Variants in SOX13 observed in about 807,000 individuals in gnomAD.
The protein encoded by SOX13 is SRY-box transcription factor 13, also known as transcription factor SOX-13.
In SOX13, 28 loss-of-function variants were observed where a neutral mutation model predicts 71.8. The observed-to-expected ratio is 0.39, with a 90% CI of 0.29 to 0.53. SOX13 has a LOEUF of 0.53. SOX13 is among the 20% of genes least tolerant of loss of function. The pLI is 0.70. For missense variants in SOX13, 627 were observed against 810.3 expected, an observed-to-expected ratio of 0.77 and a Z score of 2.75; for synonymous variants, 309 against 317.8, an observed-to-expected ratio of 0.97 and a Z score of 0.29.
At chr1:204,113,663 A>G (rs958192262) in intron 2 of SOX13, among the ~76,000 whole-genome samples, 1 of 152,188 alleles carries the variant, frequency 6.6e-6, no homozygotes, top group African/African-American at 2.4e-5. Context: ...TAAAATCCAA[A>G]TAAGTGAAAA....
At chr1:204,116,145 TGTCCC>T in intron 4 of SOX13, 20 of 1,224,716 alleles carry the variant, frequency 1.6e-5, no homozygotes, top group Admixed American at 1.3e-4. Flanking sequence ...AGCCTGAGTG[TGTCCC>T]ACTGGATCCC....
intron 9 of SOX13, 67 bp downstream of exon 9, chr1:204,122,466 C>A: frequency 7.5e-7 from 1 of 1,331,762 alleles, no homozygotes; most frequent in Non-Finnish European, 1.0e-6. Flanking sequence ...CATGATGCGA[C>A]CTTGAGCAGG....
intron 9 of SOX13, 141 bp downstream of exon 9, chr1:204,122,540 G>A: frequency 1.5e-6 from 1 of 679,944 alleles, no homozygotes; most frequent in East Asian, 2.7e-5. Context: ...CTTAGCAGAA[G>A]ATCCCCTTCT....
intron 4 of SOX13, 188 bp from the exon 5 acceptor site, chr1:204,116,319 C>T: frequency 6.5e-7 from 1 of 1,540,878 alleles, no homozygotes. Context: ...CTAGTAGTTG[C>T]CAGGTAGCAA....
At chr1:204,105,675 G>A (rs374910559) in intron 1 of SOX13, among the ~76,000 whole-genome samples, 2 of 152,112 alleles carry the variant, frequency 1.3e-5, no homozygotes, top group Non-Finnish European at 2.9e-5. Context: ...CAAAGTGCTG[G>A]GATTACAGAT....
intron 1 of SOX13, among the ~76,000 whole-genome samples, chr1:204,103,261 C>A (rs1656396141): frequency 6.6e-6 from 1 of 152,230 alleles, no homozygotes; most frequent in African/African-American, 2.4e-5. Context: ...GGCTATGACT[C>A]AAGTCAGAAA....
intron 1 of SOX13, among the ~76,000 whole-genome samples, chr1:204,095,903 A>G (rs181977450): frequency 6.6e-6 from 1 of 152,304 alleles, no homozygotes; most frequent in African/African-American, 2.4e-5. Flanking sequence ...AGTACCTCAC[A>G]TAAGTAGACA....
At chr1:204,121,857 C>G (rs762508205) in intron 7 of SOX13, 43 bp from the exon 8 acceptor site, 5 of 1,349,116 alleles carry the variant, frequency 3.7e-6, no homozygotes, top group Non-Finnish European at 5.3e-6. Context: ...GTCTGCTGTT[C>G]TGTGCTCATC....
chr1:204,126,146 TG>T lies in SOX13; in HGVS notation c.*15del. 1 of 1,611,456 alleles carries T rather than the reference TG, an allele frequency of 6.2e-7. No homozygotes were observed. Among genetic ancestry groups the T allele is most frequent in the Non-Finnish European group, 8.5e-7 (1 of 1,178,100 alleles). On this transcript the variant is annotated 3_prime_UTR_variant, in exon 14 of 14. Coordinates refer to ENST00000367204, the MANE Select transcript of SOX13 (RefSeq NM_005686.3). Reference sequence around the variant, plus strand: ...TGCTCACAGACTGATCCCGGCTGGGTGGGCCTGGCCCCTTCTCCTCTGGGGA... The same window carrying T: ...TGCTCACAGACTGATCCCGGCTGGGTGGCCTGGCCCCTTCTCCTCTGGGGA...
rs149562684 is a variant in SOX13, at chr1:204,105,413, C to CTCTTTTTTTTTTTTTT, written c.-1-7501_-1-7500insCTTTTTTTTTTTTTTT. ...GAAGGCCTCTGACTCTGTATAATCTCTTTTTTTTTTGAGACAGAGTCTCCC... is the reference window on the plus strand; with the variant it reads ...GAAGGCCTCTGACTCTGTATAATCTCTCTTTTTTTTTTTTTTTTTTTTTTTTGAGACAGAGTCTCCC... On this transcript the variant is annotated intron_variant, in intron 1 of 13. Transcript: ENST00000367204. Among the ~76,000 whole-genome samples the CTCTTTTTTTTTTTTTT allele has an allele frequency of 8.8e-4, 121 of 137,972 alleles. 1 individual carries two copies. Among genetic ancestry groups the CTCTTTTTTTTTTTTTT allele is most frequent in the African/African-American group, 3.6e-3 (116 of 32,482 alleles). The allele number at this position is 137,972 out of a possible 152,430, so 90.5% of individuals were successfully genotyped here.
At position 204,126,055 on chromosome 1, in the gene SOX13, A is replaced by C; in HGVS notation, c.1790A>C (p.Glu597Ala). ...GACAGGCACTCGGTGGCTGATGGCG[A>C]GATGTACCGGTACAGCGAGGACGAG... ...TDDRHSVADG[E>A]MYRYSEDEDS... The change falls in exon 14 of 14, where the codon GAG becomes GCG. Residue 597 changes from glutamate (E) to alanine (A), a missense_variant. Glu to Ala is a moderately radical substitution (Grantham distance 107, BLOSUM62 -1). Around this residue, in one of 3 missense-constraint regions of SOX13, gnomAD observed 148 missense variants for 192.7 expected, o/e 0.77. Transcript: ENST00000367204. The C allele has an allele frequency of 6.2e-7, 1 of 1,613,968 alleles. No homozygotes were observed. Among genetic ancestry groups the C allele is most frequent in the Non-Finnish European group, 8.5e-7 (1 of 1,179,882 alleles).
chr1:204,090,007 G>A (rs543251653), intron 1 of SOX13, among the ~76,000 whole-genome samples: 1 of 152,358 alleles, frequency 6.6e-6, no homozygotes, highest in Non-Finnish European at 1.5e-5. Flanking sequence ...CCAGGATGGT[G>A]GTGGCTGAAG....
At chr1:204,088,298 G>C (rs73069908) in intron 1 of SOX13, among the ~76,000 whole-genome samples, 3,209 of 152,192 alleles carry the variant, frequency 0.021, 101 homozygotes, top group African/African-American at 0.074. Flanking sequence ...AGGGGATGCT[G>C]GTCGATTCGG....
chr1:204,125,071 C>T (rs945134025), intron 13 of SOX13, among the ~76,000 whole-genome samples: 1 of 152,088 alleles, frequency 6.6e-6, no homozygotes, highest in African/African-American at 2.4e-5. Flanking sequence ...CACTCAGTGG[C>T]TGAGGATGTA....
Position 204,122,260 on chromosome 1 carries a change from C to A in SOX13, c.885C>A (p.Leu295=). The part of the protein sequence containing the change: ...PLQEPSQPLN[L]TAKPKAPELP... ...AGGAGCCCTCCCAGCCCCTGAACCT[C>A]ACAGCCAAGCCCAAGGCCCCCGAGC... The change falls in exon 9 of 14, where the codon CTC becomes CTA. Residue 295 remains leucine (L), a synonymous_variant. Coordinates refer to ENST00000367204, the MANE Select transcript of SOX13 (RefSeq NM_005686.3). The A allele has an allele frequency of 6.3e-7, 1 of 1,590,722 alleles. No homozygotes were observed. Among genetic ancestry groups the A allele is most frequent in the Non-Finnish European group, 8.6e-7 (1 of 1,169,004 alleles).
rs752125027 is a variant in SOX13, at chr1:204,122,953, C to A, written c.1124C>A (p.Pro375His). Residue 375 changes from proline to histidine, a missense_variant, in exon 10 of 14, where the codon CCC becomes CAC. Pro to His is a moderately conservative substitution (Grantham distance 77). Coordinates refer to ENST00000367204, the MANE Select transcript of SOX13 (RefSeq NM_005686.3). ...GCCTTGGATGGCTCCCCCAACACCC[C>A]CTTCCGTAAGGTATGGTCCCCCACT... ...SGALDGSPNT[P>H]FRKDLISLDS... 1.8e-5 allele frequency: 29 copies of A among 1,586,832 alleles called. No individual in the cohort carries two copies. The Middle Eastern group carries it at 6.6e-4, about 36-fold the overall frequency.
Position 204,125,118 on chromosome 1 carries a change from G to A in SOX13, c.1592+261G>A, listed in dbSNP as rs1047598702. Among the ~76,000 whole-genome samples the A allele has an allele frequency of 2.0e-5, 3 of 152,272 alleles. No homozygotes were observed. The South Asian group carries it at 6.2e-4, about 32-fold the overall frequency. ...GGAGGACTGGCCACGTGGACCTGGA[G>A]AAAGTGCCTGTAGATCCCACGGCCG... On this transcript the variant is annotated intron_variant, in intron 13 of 13. Coordinates refer to ENST00000367204, the MANE Select transcript of SOX13 (RefSeq NM_005686.3).
intron 1 of SOX13, among the ~76,000 whole-genome samples, chr1:204,099,402 G>A (rs1177708613): frequency 6.7e-6 from 1 of 148,942 alleles, no homozygotes; most frequent in African/African-American, 2.5e-5. Context: ...AATCATGTTG[G>A]TGTCTCAGTG....
At chr1:204,108,705 G>A (rs1340722690) in intron 1 of SOX13, among the ~76,000 whole-genome samples, 5 of 152,196 alleles carry the variant, frequency 3.3e-5, no homozygotes, top group African/African-American at 9.6e-5. Context: ...GTGAGGTGGC[G>A]CTGAGCCGAC....
Sources: gnomAD v4.1 joint callset for allele counts (sites outside exome capture counted in the v4.1 genomes callset) on GRCh38, gnomAD v4.1.1 for gene constraint, gnomAD v4.1.1 regional missense constraint, MANE v1.5 for transcripts, NCBI Gene and HGNC (gene_info 2026-07-23, HGNC 2026-07-21) for gene names.